The following ETS2 variants were observed in gnomAD, a reference collection of about 807,000 sequenced individuals.
The protein encoded by ETS2 is ETS proto-oncogene 2, transcription factor, also known as protein C-ets-2.
In ETS2, 19 loss-of-function variants were observed where a neutral mutation model predicts 54.9. The ratio of observed to expected loss-of-function variants is 0.35; its 90% CI spans 0.24 to 0.51. The LOEUF is 0.51. Among genes scored for constraint, ETS2 ranks in the 20% least tolerant of loss-of-function variants. The probability of loss-of-function intolerance (pLI) is 0.97; values close to 1 mark genes in which losing one functional copy is unlikely to be tolerated. For missense variants in ETS2, 417 were observed against 593.0 expected, an observed-to-expected ratio of 0.70 and a Z score of 3.08; for synonymous variants, 219 against 229.3, an observed-to-expected ratio of 0.95 and a Z score of 0.41.
At chr21:38,818,793 A>G in intron 7 of ETS2, 147 bp downstream of exon 7, 5 of 915,656 alleles carry the variant, frequency 5.5e-6, no homozygotes, top group Admixed American at 4.4e-5. Context: ...TCCAACAAGC[A>G]TACCCCTAAT....
upstream of ETS2, chr21:38,805,259 A>G: frequency 9.7e-7 from 1 of 1,032,294 alleles, no homozygotes; most frequent in Non-Finnish European, 1.3e-6. The surrounding 1 kb of genome is among the most constrained non-coding windows in gnomAD (Gnocchi z 5.2). Context: ...GGACACAGCC[A>G]GGGCCCGGTT....
At chr21:38,820,492 A>G (rs2060953615) in intron 8 of ETS2, among the ~76,000 whole-genome samples, 2 of 151,650 alleles carry the variant, frequency 1.3e-5, no homozygotes, top group Admixed American at 1.3e-4. Flanking sequence ...AGTGTGTGAA[A>G]GCCATTATCG....
chr21:38,822,510 A>G (rs1011638139), intron 9 of ETS2, among the ~76,000 whole-genome samples, 164 bp from the exon 10 acceptor site: 3 of 152,112 alleles, frequency 2.0e-5, no homozygotes, highest in African/African-American at 7.2e-5. Context: ...TAGGTACTCA[A>G]AGGTACTCAG....
chr21:38,817,259 C>G (rs558903271), intron 6 of ETS2, among the ~76,000 whole-genome samples, 168 bp downstream of exon 6: 1 of 152,244 alleles, frequency 6.6e-6, no homozygotes, highest in South Asian at 2.1e-4. Flanking sequence ...TGGTCCACAT[C>G]GAGATGTGTA....
In ETS2 at chr21:38,819,705, G is replaced by C; in HGVS notation, c.1014G>C (p.Arg338Ser). The change falls in exon 8 of 10, where the codon AGG becomes AGC. Residue 338 changes from arginine (R) to serine (S), a missense_variant. Physicochemically the swap from Arg to Ser is moderately radical, Grantham distance 110 (BLOSUM62 -1). Around this residue, in one of 3 missense-constraint regions of ETS2, gnomAD observed 326 missense variants for 426.1 expected, o/e 0.76. Coordinates refer to ENST00000360938, the MANE Select transcript of ETS2 (RefSeq NM_005239.6). ...TMSFKDYIQE[R>S]SDPVEQGKPV... ...CTTTCAAGGATTACATCCAAGAGAG[G>C]AGTGACCCAGTGGAGCAAGGCAAAC... 6.2e-7 allele frequency: 1 copy of C among 1,614,018 alleles called. No individual in the cohort carries two copies. Among genetic ancestry groups the C allele is most frequent in the Non-Finnish European group, 8.5e-7 (1 of 1,179,952 alleles).
In ETS2 at chr21:38,822,755, G is replaced by A. The variant is rs914709352; in HGVS notation, c.1276G>A (p.Asp426Asn). The A allele has an allele frequency of 6.2e-7, 1 of 1,614,164 alleles. No homozygotes were observed. The highest frequency in any genetic ancestry group is 8.5e-7 in the Non-Finnish European group (1 of 1,180,014). The change falls in exon 10 of 10, where the codon GAC (aspartate) becomes AAC (asparagine). Residue 426 changes from aspartate to asparagine, a missense_variant. Asp to Asn is a conservative substitution (Grantham distance 23). Around this residue, in one of 3 missense-constraint regions of ETS2, gnomAD observed 60 missense variants for 134.1 expected, o/e 0.45. Transcript: ENST00000360938. ...KLSRGLRYYY[D>N]KNIIHKTSGK... Reference sequence around the variant, plus strand: ...GAGCCGGGGCTTACGCTACTATTACGACAAGAACATCATCCACAAGACGTC... The same window carrying A: ...GAGCCGGGGCTTACGCTACTATTACAACAAGAACATCATCCACAAGACGTC...
At chr21:38,805,666 CCCT>C, upstream of ETS2, 1 of 1,193,434 alleles carries the variant, frequency 8.4e-7, no homozygotes, top group Non-Finnish European at 1.1e-6. The surrounding 1 kb of genome is among the most constrained non-coding windows in gnomAD (Gnocchi z 5.2). Context: ...GCCGCCTCCG[CCCT>C]CCTCTTCTCT....
At chr21:38,816,396 G>T (rs2060935725) in intron 5 of ETS2, among the ~76,000 whole-genome samples, 1 of 152,210 alleles carries the variant, frequency 6.6e-6, no homozygotes. Context: ...TTGGCAAATT[G>T]GGCCTGTTTT....
At position 38,821,655 on chromosome 21, in the gene ETS2, T is replaced by C. The variant is rs761800465; in HGVS notation, c.1145T>C (p.Ile382Thr). The change falls in exon 9 of 10, where the codon ATC (isoleucine) becomes ACC (threonine). Residue 382 changes from isoleucine (I) to threonine (T), a missense_variant. By Grantham distance (89) the Ile-to-Thr change is moderately conservative. This residue lies in a region of ETS2 where 60 missense variants were observed against 134.1 expected (regional missense o/e 0.45). Transcript: ENST00000360938. The surrounding 1 kb of genome is among the most constrained non-coding windows in gnomAD (Gnocchi z 4.2). ...TCAGACAAATCCTGCCAGTCATTCA[T>C]CAGCTGGACTGGAGACGGATGGGAG... ...LLSDKSCQSF[I>T]SWTGDGWEFK... The C allele has an allele frequency of 6.2e-7, 1 of 1,614,202 alleles. No homozygotes were observed. Among genetic ancestry groups the C allele is most frequent in the Non-Finnish European group, 8.5e-7 (1 of 1,180,020 alleles).
intron 6 of ETS2, 87 bp from the exon 7 acceptor site, chr21:38,818,338 A>C (rs1427009904): frequency 6.3e-7 from 1 of 1,582,710 alleles, no homozygotes. Flanking sequence ...GAGTGTGCGG[A>C]GTGCTCACCT....
chr21:38,815,024 G>A (rs2060927686), intron 5 of ETS2, 43 bp downstream of exon 5: 6 of 1,592,136 alleles, frequency 3.8e-6, no homozygotes, highest in East Asian at 2.2e-5. Flanking sequence ...AGGATGAGCT[G>A]TGGCCGGGAA....
At chr21:38,820,984 G>A (rs1451304739) in intron 8 of ETS2, among the ~76,000 whole-genome samples, 2 of 152,202 alleles carry the variant, frequency 1.3e-5, no homozygotes, top group Non-Finnish European at 2.9e-5. Flanking sequence ...ATCGAGGACA[G>A]GTGGACGAGA....
At chr21:38,822,569 C>T in intron 9 of ETS2, 105 bp from the exon 10 acceptor site, 8 of 1,036,318 alleles carry the variant, frequency 7.7e-6, no homozygotes, top group Non-Finnish European at 1.1e-5. Flanking sequence ...GTCAAGTTCT[C>T]TCTAGAGTGA....
In ETS2 at chr21:38,821,743, C is replaced by A; in HGVS notation, c.1194+39C>A. 5 of 1,420,228 alleles carry A rather than the reference C, an allele frequency of 3.5e-6. No homozygotes were observed. The highest frequency in any genetic ancestry group is 5.0e-6 in the Non-Finnish European group (5 of 1,005,210). The allele number at this position is 1,420,228 out of a possible 1,614,324, so 88.0% of individuals were successfully genotyped here. On this transcript the variant is annotated intron_variant, in intron 9 of 9. Coordinates refer to ENST00000360938, the MANE Select transcript of ETS2 (RefSeq NM_005239.6). This position sits in a 1 kb window ranked among gnomAD's most constrained non-coding sequence, Gnocchi z 4.2. ...CCTGGGAAATCTCTGGGCTTGAAAA[C>A]CTGATTTCCTGCTTGCATTCAAAAA...
In ETS2 at chr21:38,814,027, G is replaced by A. The variant is rs912050510; in HGVS notation, c.185-246G>A. On this transcript the variant is annotated intron_variant, in intron 3 of 9. Transcript: ENST00000360938. The surrounding 1 kb of genome is among the most constrained non-coding windows in gnomAD (Gnocchi z 4.2). ...TCCCTACGCACAACTGCTTTGTGAC[G>A]CTTTGCAAAATAGAATCAAATCTGA... 6.6e-6 allele frequency among the ~76,000 whole-genome samples: 1 copy of A among 152,116 alleles called. No individual in the cohort carries two copies. The highest frequency in any genetic ancestry group is 6.5e-5 in the Admixed American group (1 of 15,278).
intron 2 of ETS2, among the ~76,000 whole-genome samples, chr21:38,812,799 T>G (rs956599043): frequency 2.7e-5 from 4 of 150,130 alleles, no homozygotes; most frequent in African/African-American, 7.3e-5. Flanking sequence ...ATAATAATAA[T>G]CCACAGTAAA....
At chr21:38,807,530 T>C (rs1762214093) in intron 1 of ETS2, among the ~76,000 whole-genome samples, 2 of 152,098 alleles carry the variant, frequency 1.3e-5, no homozygotes, top group South Asian at 4.2e-4. Context: ...CCCTGTTGAG[T>C]AAAATAAGCA....
Position 38,821,718 on chromosome 21 carries a change from C to T in ETS2, c.1194+14C>T, listed in dbSNP as rs772367588. 8.3e-6 allele frequency: 13 copies of T among 1,566,770 alleles called. No individual in the cohort carries two copies. The East Asian group carries it at 2.7e-4, about 32-fold the overall frequency. Reference sequence around the variant, plus strand: ...GACCCCGATGAGGTATGGCCAGAGCCCTGGGAAATCTCTGGGCTTGAAAAC... The same window carrying T: ...GACCCCGATGAGGTATGGCCAGAGCTCTGGGAAATCTCTGGGCTTGAAAAC... On this transcript the variant is annotated intron_variant, in intron 9 of 9. Transcript: ENST00000360938. The surrounding 1 kb of genome is among the most constrained non-coding windows in gnomAD (Gnocchi z 4.2).
rs781120094 is a variant in ETS2, at chr21:38,819,499, C to T, written c.812-4C>T. On this transcript the variant is annotated splice_region_variant and splice_polypyrimidine_tract_variant and intron_variant, in intron 7 of 9. Transcript: ENST00000360938. Reference sequence around the variant, plus strand: ...CAAAGTATGTGTTTGGTTGTCTTTGCCAGGGACTCCCAAAGACCACGACTC... The same window carrying T: ...CAAAGTATGTGTTTGGTTGTCTTTGTCAGGGACTCCCAAAGACCACGACTC... The T allele has an allele frequency of 2.5e-6, 4 of 1,613,272 alleles. No homozygotes were observed. Among genetic ancestry groups the T allele is most frequent in the Non-Finnish European group, 2.5e-6 (3 of 1,179,268 alleles).
Sources: gnomAD v4.1 joint callset for allele counts (sites outside exome capture counted in the v4.1 genomes callset) on GRCh38, gnomAD v4.1.1 for gene constraint, gnomAD v4.1.1 regional missense constraint, Gnocchi (gnomAD v3.1) non-coding constraint, MANE v1.5 for transcripts, NCBI Gene and HGNC (gene_info 2026-07-23, HGNC 2026-07-21) for gene names.